Variants in DPYD observed in about 807,000 individuals in gnomAD.
The protein encoded by DPYD is dihydropyrimidine dehydrogenase [NADP(+)].
A neutral mutation model predicts 116.2 loss-of-function variants in DPYD; 109 were observed. The ratio of observed to expected loss-of-function variants is 0.94; its 90% CI spans 0.80 to 1.10. The LOEUF is 1.10. Ranked by LOEUF, DPYD falls within the 50% of genes least tolerant of loss-of-function variation. DPYD has a pLI of 0.00. For synonymous variants in DPYD, 440 were observed against 432.0 expected (o/e 1.02, Z -0.23); for missense variants, 1,302 against 1,254.5 (o/e 1.04, Z -0.57).
chr1:97,908,214 T>C lies in DPYD; in HGVS notation c.39+12670A>G, dbSNP rs114378385. Among the ~76,000 whole-genome samples the C allele has an allele frequency of 8.8e-3, 1,336 of 151,938 alleles. 11 individuals carry two copies. The highest frequency in any genetic ancestry group is 0.014 in the Non-Finnish European group (958 of 67,904). ...GCACACACCAGCACACCAATCTAAT[T>C]TTGGTATGTGTTGTAGAGATGGGGT... On this transcript the variant is annotated intron_variant, in intron 1 of 22. Transcript: ENST00000370192.
intron 1 of DPYD, among the ~76,000 whole-genome samples, chr1:97,886,996 G>C (rs1056282976): frequency 6.6e-6 from 1 of 151,866 alleles, no homozygotes; most frequent in Non-Finnish European, 1.5e-5. Context: ...TCAACCAGAA[G>C]CCACTGGAAC....
chr1:97,127,821 A>T (rs541159203), intron 20 of DPYD, among the ~76,000 whole-genome samples: 43 of 152,132 alleles, frequency 2.8e-4, no homozygotes, highest in Non-Finnish European at 5.7e-4. Flanking sequence ...TGAAACACCA[A>T]CTCATGGCTA....
chr1:97,223,097 C>A (rs1278940389), intron 19 of DPYD, among the ~76,000 whole-genome samples: 3 of 152,044 alleles, frequency 2.0e-5, no homozygotes, highest in Non-Finnish European at 4.4e-5. Context: ...CATCCATCTG[C>A]ACTCAAGTGG....
intron 18 of DPYD, among the ~76,000 whole-genome samples, chr1:97,298,547 T>C (rs1477683786): frequency 6.7e-6 from 1 of 150,106 alleles, no homozygotes; most frequent in African/African-American, 2.5e-5. Context: ...ATTAAGAATC[T>C]GATTTCTTCT....
At chr1:97,298,560 T>TTTTTTTTTTTTTTTTTTTTTTGAGACAGC (rs1558009768) in intron 18 of DPYD, among the ~76,000 whole-genome samples, 1 of 152,218 alleles carries the variant, frequency 6.6e-6, no homozygotes, top group African/African-American at 2.4e-5. Context: ...TTTCTTCTTA[T>TTTTTTTTTTTTTTTTTTTTTTGAGACAGC]GTAATCAGAC....
chr1:97,494,535 A>G (rs148589535), intron 13 of DPYD, among the ~76,000 whole-genome samples: 177 of 152,204 alleles, frequency 1.2e-3, no homozygotes, highest in African/African-American at 3.8e-3. Flanking sequence ...AGTTTATAAG[A>G]ACACAACTTT....
chr1:97,245,854 C>T (rs1411840859), intron 18 of DPYD, among the ~76,000 whole-genome samples: 2 of 152,138 alleles, frequency 1.3e-5, no homozygotes, highest in East Asian at 1.9e-4. Context: ...TCCATGGCAG[C>T]ACTTGCTGTA....
At chr1:97,529,666 TTTTCTC>T (rs1195797204) in intron 12 of DPYD, among the ~76,000 whole-genome samples, 2 of 149,890 alleles carry the variant, frequency 1.3e-5, no homozygotes, top group Admixed American at 6.6e-5. Flanking sequence ...CCTTTTTTTC[TTTTCTC>T]TTTCTCTTTT....
At chr1:97,712,054 G>A (rs899892612) in intron 5 of DPYD, among the ~76,000 whole-genome samples, 12 of 151,746 alleles carry the variant, frequency 7.9e-5, no homozygotes, top group Non-Finnish European at 1.6e-4. Flanking sequence ...ATTATCCTTA[G>A]TATTGCACAA....
rs746439431 is a variant in DPYD at position 97,867,235 on chromosome 1, G to T, written c.150+16029C>A. Among the ~76,000 whole-genome samples the T allele has an allele frequency of 3.2e-4, 48 of 151,804 alleles. 1 individual carries two copies. The highest frequency in any genetic ancestry group is 1.0e-3 in the South Asian group (5 of 4,814). On this transcript the variant is annotated intron_variant, in intron 2 of 22. Coordinates refer to ENST00000370192, the MANE Select transcript of DPYD (RefSeq NM_000110.4). ...TGTCAGTCTGATATTGGTATTAAGA[G>T]CTCACGTAGTTCTAAACTCTGTCCT...
At chr1:97,212,377 A>G (rs1660091803) in intron 19 of DPYD, among the ~76,000 whole-genome samples, 1 of 152,122 alleles carries the variant, frequency 6.6e-6, no homozygotes, top group South Asian at 2.1e-4. Flanking sequence ...ATGTCAAAAT[A>G]TTCTGTGCTA....
chr1:97,090,170 T>C (rs1047788481), intron 21 of DPYD, among the ~76,000 whole-genome samples: 2 of 152,170 alleles, frequency 1.3e-5, no homozygotes, highest in African/African-American at 2.4e-5. Flanking sequence ...TAAGGTCCCA[T>C]GGCTGCAGGT....
At chr1:97,876,187 C>A (rs1671907775) in intron 2 of DPYD, among the ~76,000 whole-genome samples, 1 of 151,910 alleles carries the variant, frequency 6.6e-6, no homozygotes, top group Non-Finnish European at 1.5e-5. Flanking sequence ...ATGTAATGAC[C>A]AGGAAATCCC....
At chr1:97,804,639 T>C (rs1269493941) in intron 3 of DPYD, among the ~76,000 whole-genome samples, 4 of 151,790 alleles carry the variant, frequency 2.6e-5, no homozygotes, top group African/African-American at 4.8e-5. Context: ...GATACAGAAC[T>C]CTCTCCAGAG....
At chr1:97,166,998 G>A (rs1385990630) in intron 20 of DPYD, among the ~76,000 whole-genome samples, 1 of 152,092 alleles carries the variant, frequency 6.6e-6, no homozygotes, top group Admixed American at 6.6e-5. Context: ...ACTTCAGAGA[G>A]TATATTAATG....
intron 10 of DPYD, among the ~76,000 whole-genome samples, chr1:97,589,932 G>A (rs1654387212): frequency 1.3e-5 from 2 of 152,250 alleles, no homozygotes; most frequent in African/African-American, 4.8e-5. Flanking sequence ...AGACAGTGTA[G>A]GAGAAAGAAG....
intron 4 of DPYD, among the ~76,000 whole-genome samples, chr1:97,727,300 T>C (rs1349738699): frequency 6.6e-6 from 1 of 151,672 alleles, no homozygotes; most frequent in Non-Finnish European, 1.5e-5. Context: ...AAGTTCACAA[T>C]AGGGTTTGGT....
intron 3 of DPYD, among the ~76,000 whole-genome samples, chr1:97,790,640 A>G (rs546852394): frequency 1.3e-5 from 2 of 152,214 alleles, no homozygotes; most frequent in Admixed American, 1.3e-4. Context: ...CAGTGTGGTT[A>G]TTTTCTGTGT....
chr1:97,501,343 T>C (rs1244995886), intron 13 of DPYD, among the ~76,000 whole-genome samples: 1 of 152,034 alleles, frequency 6.6e-6, no homozygotes, highest in Non-Finnish European at 1.5e-5. Context: ...ATACCCCCGA[T>C]TGGCTCTGCC....
Sources: gnomAD v4.1 joint callset for allele counts (sites outside exome capture counted in the v4.1 genomes callset) on GRCh38, gnomAD v4.1.1 for gene constraint, MANE v1.5 for transcripts, NCBI Gene and HGNC (gene_info 2026-07-23, HGNC 2026-07-21) for gene names.